Variants in PDK2 observed in about 807,000 individuals in gnomAD.
PDK2 encodes the protein pyruvate dehydrogenase kinase 2.
A neutral mutation model predicts 50.4 loss-of-function variants in PDK2; 34 were observed. The observed-to-expected ratio is 0.68, with a 90% CI of 0.51 to 0.90. The LOEUF is 0.90. Ranked by LOEUF, PDK2 falls within the 40% of genes least tolerant of loss-of-function variation. The pLI, the probability that PDK2 is intolerant of heterozygous loss-of-function variation, is 0.00. For synonymous variants in PDK2, 232 were observed against 216.0 expected (o/e 1.07, Z -0.65); for missense variants, 377 against 544.5 (o/e 0.69, Z 3.06).
At position 50,110,156 on chromosome 17, in the gene PDK2, T is replaced by C; in HGVS notation, c.*59T>C. 6.6e-7 allele frequency: 1 copy of C among 1,504,284 alleles called. No homozygotes were observed. Among genetic ancestry groups the C allele is most frequent in the Non-Finnish European group, 8.9e-7 (1 of 1,119,254 alleles). 93.2% of individuals were successfully genotyped at this position (1,504,284 alleles called of 1,614,324 possible). On this transcript the variant is annotated 3_prime_UTR_variant, in exon 11 of 11. Coordinates refer to ENST00000503176, the MANE Select transcript of PDK2 (RefSeq NM_002611.5). ...CTGCCGCCTCTGGGTCCCCCCACCG[T>C]GGTGCCCCTCACCATCCTCCTGGGG... is the stretch of plus-strand genomic sequence containing the variant.
At chr17:50,106,283 C>T (rs923743949) in intron 4 of PDK2, 2 of 1,316,670 alleles carry the variant, frequency 1.5e-6, no homozygotes, top group African/African-American at 3.0e-5. Context: ...GTTTTGTTTT[C>T]AGTGTTTGCA....
intron 2 of PDK2, 58 bp downstream of exon 2, chr17:50,097,622 C>T: frequency 3.1e-6 from 5 of 1,589,962 alleles, no homozygotes; most frequent in Non-Finnish European, 4.3e-6. Flanking sequence ...TCCCTGGGCT[C>T]AGGGATGGCA....
intron 1 of PDK2, among the ~76,000 whole-genome samples, chr17:50,097,187 G>A (rs1420773150): frequency 6.6e-6 from 1 of 152,184 alleles, no homozygotes; most frequent in South Asian, 2.1e-4. Flanking sequence ...GTCCACTGTG[G>A]TTAAAGGCAA....
At chr17:50,108,526 G>A in intron 8 of PDK2, 86 bp from the exon 9 acceptor site, 1 of 1,366,332 alleles carries the variant, frequency 7.3e-7, no homozygotes, top group Non-Finnish European at 1.0e-6. Flanking sequence ...CCTGGGGGTG[G>A]GGAAGACCAT....
rs527457965 is a variant in PDK2, at chr17:50,096,912, A to C, written c.119-511A>C. ...GTTCTCAGGCCCGTTTGCCCCATGG[A>C]TGGGCATTAAGACACAGCAGCCCCA... On this transcript the variant is annotated intron_variant, in intron 1 of 10. Coordinates refer to ENST00000503176, the MANE Select transcript of PDK2 (RefSeq NM_002611.5). Among the ~76,000 whole-genome samples the C allele has an allele frequency of 1.1e-4, 16 of 152,312 alleles. 1 individual carries two copies. Among genetic ancestry groups the C allele is most frequent in the African/African-American group, 3.8e-4 (16 of 41,574 alleles).
intron 1 of PDK2, chr17:50,096,389 CTA>C (rs1909949149): frequency 1.3e-6 from 1 of 748,104 alleles, no homozygotes; most frequent in South Asian, 6.1e-5. Context: ...CCCTGTCTGT[CTA>C]TGTGGTATTT....
rs1910630590 is a variant in PDK2, at chr17:50,108,317, A to T, written c.763-2A>T. On this transcript the variant is annotated splice_acceptor_variant, in intron 7 of 10. Transcript: ENST00000503176. LOFTEE classifies it high-confidence loss of function. ...GCATCTCTTACCTCTGCCCCTCCGC[A>T]GAATGCCATGAGGGCGACTGTGGAA... 1 of 1,613,712 alleles carries T rather than the reference A, an allele frequency of 6.2e-7. No homozygotes were observed. Among genetic ancestry groups the T allele is most frequent in the Non-Finnish European group, 8.5e-7 (1 of 1,179,730 alleles).
At chr17:50,105,549 C>A in intron 3 of PDK2, 107 bp downstream of exon 3, 1 of 898,042 alleles carries the variant, frequency 1.1e-6, no homozygotes, top group Non-Finnish European at 1.7e-6. Flanking sequence ...AAGACCCCTG[C>A]CTTCAGAAAC....
At chr17:50,098,296 C>T (rs1487562075) in intron 2 of PDK2, among the ~76,000 whole-genome samples, 1 of 152,148 alleles carries the variant, frequency 6.6e-6, no homozygotes, top group Non-Finnish European at 1.5e-5. Context: ...TTTGGACTTG[C>T]AGTATGATAT....
intron 2 of PDK2, among the ~76,000 whole-genome samples, chr17:50,105,043 C>G (rs959296155): frequency 1.3e-5 from 2 of 152,210 alleles, no homozygotes; most frequent in Non-Finnish European, 2.9e-5. Context: ...TCTCCCTGCC[C>G]CATCTCAGCC....
In PDK2 at chr17:50,108,608, C is replaced by T; in HGVS notation, c.862-4C>T. ...GAATCCCTGACACATCCCATCTCTCCCAGATGAGTGACCGAGGTGGGGGTG... is the reference window on the plus strand; with the variant it reads ...GAATCCCTGACACATCCCATCTCTCTCAGATGAGTGACCGAGGTGGGGGTG... On this transcript the variant is annotated splice_region_variant and splice_polypyrimidine_tract_variant and intron_variant, in intron 8 of 10. Coordinates refer to ENST00000503176, the MANE Select transcript of PDK2 (RefSeq NM_002611.5). 1 of 1,605,840 alleles carries T rather than the reference C, an allele frequency of 6.2e-7. No individual in the cohort carries two copies. The highest frequency in any genetic ancestry group is 8.5e-7 in the Non-Finnish European group (1 of 1,174,454).
intron 1 of PDK2, among the ~76,000 whole-genome samples, chr17:50,096,460 G>A (rs1244652590): frequency 1.3e-5 from 2 of 152,166 alleles, no homozygotes. Context: ...TGAGTTGATA[G>A]TGCCTAGCTT....
chr17:50,109,143 C>T lies in PDK2; in HGVS notation c.970-144C>T. On this transcript the variant is annotated intron_variant, in intron 9 of 10. Transcript: ENST00000503176. The surrounding 1 kb of genome is among the most constrained non-coding windows in gnomAD (Gnocchi z 5.0). ...CCACACACACTTCTTACCTCAGTGT[C>T]CCCTCCCACATGTCCCCTCCCAGCT... 1 of 597,966 alleles carries T rather than the reference C, an allele frequency of 1.7e-6. No homozygotes were observed. The allele number at this position is 597,966 out of a possible 1,614,324, so 37.0% of individuals were successfully genotyped here. A position where few individuals can be genotyped will look rare whatever the true frequency, so the allele number is the denominator to read the frequency against.
intron 4 of PDK2, chr17:50,106,490 A>T (rs967910293): frequency 5.1e-5 from 25 of 492,018 alleles, no homozygotes. Flanking sequence ...AGGTGGTAAG[A>T]GTTCTCTTAG....
In PDK2 at chr17:50,105,936, C is replaced by T; in HGVS notation, c.384C>T (p.Pro128=). The change falls in exon 4 of 11, where the codon CCC becomes CCT. Residue 128 remains proline (P), a synonymous_variant. Coordinates refer to ENST00000503176, the MANE Select transcript of PDK2 (RefSeq NM_002611.5). ...GGAACCGGCACAACGACGTGGTGCC[C>T]ACCATGGCACAAGGCGTGCTTGAGT... The part of the protein sequence containing the change: ...TIRNRHNDVV[P]TMAQGVLEYK... 6.2e-7 allele frequency: 1 copy of T among 1,613,484 alleles called. No homozygotes were observed. The highest frequency in any genetic ancestry group is 1.3e-5 in the African/African-American group (1 of 75,018).
At chr17:50,095,193 TG>T (rs1909863899), upstream of PDK2, 4 of 414,736 alleles carry the variant, frequency 9.6e-6, no homozygotes, top group Non-Finnish European at 1.7e-5. Flanking sequence ...CGGCAAAGCG[TG>T]GGTTAAGGGG....
chr17:50,107,280 T>C, intron 6 of PDK2, 127 bp downstream of exon 6: 2 of 704,520 alleles, frequency 2.8e-6, no homozygotes, highest in Non-Finnish European at 4.9e-6. Flanking sequence ...ATATTATTAA[T>C]TCATTTGATA....
intron 5 of PDK2, 38 bp downstream of exon 5, chr17:50,106,921 C>A: frequency 1.9e-6 from 3 of 1,581,772 alleles, no homozygotes; most frequent in Non-Finnish European, 2.6e-6. Flanking sequence ...GCAGAGAAGC[C>A]CCGGGGACCC....
Position 50,095,566 on chromosome 17 carries a change from C to G in PDK2, c.118+13C>G. On this transcript the variant is annotated intron_variant, in intron 1 of 10. Coordinates refer to ENST00000503176, the MANE Select transcript of PDK2 (RefSeq NM_002611.5). ...TTTCTGGACTTCGGTACGGAGTGGG[C>G]GGGAGGCGGCTGGCAGCGGAGGCCG... is the stretch of plus-strand genomic sequence containing the variant. 6.3e-7 allele frequency: 1 copy of G among 1,581,600 alleles called. No individual in the cohort carries two copies. The highest frequency in any genetic ancestry group is 8.6e-7 in the Non-Finnish European group (1 of 1,159,562).
Sources: gnomAD v4.1 joint callset for allele counts (sites outside exome capture counted in the v4.1 genomes callset) on GRCh38, gnomAD v4.1.1 for gene constraint, Gnocchi (gnomAD v3.1) non-coding constraint, MANE v1.5 for transcripts, NCBI Gene and HGNC (gene_info 2026-07-23, HGNC 2026-07-21) for gene names.